GNG13: variants seen among roughly 807,000 people sequenced by gnomAD.
GNG13 encodes guanine nucleotide-binding protein G(I)/G(S)/G(O) subunit gamma-13.
A neutral mutation model predicts 8.2 loss-of-function variants in GNG13; 12 were observed. The observed-to-expected ratio is 1.47, with a 90% CI of 0.94 to 2.38. GNG13 has a LOEUF of 2.38. GNG13 is among the 30% of genes most tolerant of loss of function. The pLI is 0.00. For missense variants in GNG13, 100 were observed against 85.2 expected (o/e 1.17, Z -0.68); for synonymous variants, 45 against 33.0 (o/e 1.37, Z -1.25).
In GNG13 at chr16:798,410, A is replaced by G; in HGVS notation, c.*309T>C. On this transcript the variant is annotated 3_prime_UTR_variant, in exon 3 of 3. Coordinates refer to ENST00000248150, the MANE Select transcript of GNG13 (RefSeq NM_016541.3). The stretch of plus-strand genomic sequence containing the variant: ...GGGAGTGGGGCTGGGAGTGGGGCTC[A>G]CAGGATGGTGGGAGTGGGGCTGGAA... The G allele has an allele frequency of 2.1e-6, 1 of 478,978 alleles. No individual in the cohort carries two copies. The highest frequency in any genetic ancestry group is 3.7e-6 in the Non-Finnish European group (1 of 270,118). The allele number at this position is 478,978 out of a possible 1,614,324, so 29.7% of individuals were successfully genotyped here. A position where few individuals can be genotyped will look rare whatever the true frequency, so the allele number is the denominator to read the frequency against.
Position 798,290 on chromosome 16 carries a change from C to T in GNG13, c.*429G>A. On this transcript the variant is annotated 3_prime_UTR_variant, in exon 3 of 3. Coordinates refer to ENST00000248150, the MANE Select transcript of GNG13 (RefSeq NM_016541.3). The stretch of plus-strand genomic sequence containing the variant: ...GTCTTACAAGATGTTGTGAGTGGGG[C>T]CGGGAGTGGGGCTCACAGGTTGGTG... The T allele has an allele frequency of 4.1e-6, 2 of 487,542 alleles. No individual in the cohort carries two copies. Among genetic ancestry groups the T allele is most frequent in the Non-Finnish European group, 3.6e-6 (1 of 276,142 alleles). 30.2% of individuals were successfully genotyped at this position (487,542 alleles called of 1,614,324 possible).
At chr16:798,900 G>A (rs1224013867) in intron 2 of GNG13, 76 bp from the exon 3 acceptor site, 4 of 1,353,594 alleles carry the variant, frequency 3.0e-6, no homozygotes, top group Admixed American at 1.7e-5. Context: ...CCTGTCGGCG[G>A]CGGTGGTCGT....
intron 1 of GNG13, 80 bp from the exon 2 acceptor site, chr16:799,191 G>A (rs556534620): frequency 7.3e-6 from 5 of 686,906 alleles, no homozygotes; most frequent in African/African-American, 7.0e-5. Flanking sequence ...GCAGGCCTGA[G>A]CTGAACCCCG....
At chr16:799,163 C>T (rs987850036) in intron 1 of GNG13, 52 bp from the exon 2 acceptor site, 7 of 775,282 alleles carry the variant, frequency 9.0e-6, no homozygotes, top group Non-Finnish European at 1.6e-5. Flanking sequence ...CCTGTAGTCC[C>T]CACCCCCGCT....
In GNG13 at chr16:798,574, C is replaced by T. The variant is rs1367398252; in HGVS notation, c.*145G>A. On this transcript the variant is annotated 3_prime_UTR_variant, in exon 3 of 3. Coordinates refer to ENST00000248150, the MANE Select transcript of GNG13 (RefSeq NM_016541.3). ...ACAGGTTGGTGTGAGTGGGGCCGGGCATGGGCTCACAGGATGGTGGGAGTG... is the reference window on the plus strand; with the variant it reads ...ACAGGTTGGTGTGAGTGGGGCCGGGTATGGGCTCACAGGATGGTGGGAGTG... 30 of 664,174 alleles carry T rather than the reference C, an allele frequency of 4.5e-5. 1 individual carries two copies. The highest frequency in any genetic ancestry group is 2.9e-4 in the South Asian group (20 of 68,730). The allele number at this position is 664,174 out of a possible 1,614,324, so 41.1% of individuals were successfully genotyped here.
chr16:798,127 G>T lies in GNG13; in HGVS notation c.*592C>A. The T allele has an allele frequency of 9.5e-7, 1 of 1,051,204 alleles. No individual in the cohort carries two copies. Among genetic ancestry groups the T allele is most frequent in the Non-Finnish European group, 1.4e-6 (1 of 727,284 alleles). The allele number at this position is 1,051,204 out of a possible 1,614,324, so 65.1% of individuals were successfully genotyped here. A position where few individuals can be genotyped will look rare whatever the true frequency, so the allele number is the denominator to read the frequency against. ...GGATGGTGGGAGTGGGGCCGGGCGT[G>T]GGCTCATAGGATGGTGTGAGTGGGG... On this transcript the variant is annotated 3_prime_UTR_variant, in exon 3 of 3. Transcript: ENST00000248150.
In GNG13 at chr16:798,418, G is replaced by A. The variant is rs1044783641; in HGVS notation, c.*301C>T. ...GGCTGGGAGTGGGGCTCACAGGATG[G>A]TGGGAGTGGGGCTGGAAGTGGGGCT... On this transcript the variant is annotated 3_prime_UTR_variant, in exon 3 of 3. Transcript: ENST00000248150. The A allele has an allele frequency of 6.2e-6, 3 of 480,778 alleles. No homozygotes were observed. Among genetic ancestry groups the A allele is most frequent in the African/African-American group, 4.4e-5 (2 of 45,452 alleles). 29.8% of individuals were successfully genotyped at this position (480,778 alleles called of 1,614,324 possible).
At chr16:800,334 C>G (rs748839632) in intron 1 of GNG13, among the ~76,000 whole-genome samples, 1 of 152,198 alleles carries the variant, frequency 6.6e-6, no homozygotes, top group South Asian at 2.1e-4. Context: ...GTTGGCGCCC[C>G]GCCCACAGCC....
Position 798,546 on chromosome 16 carries a change from C to G in GNG13, c.*173G>C. The G allele has an allele frequency of 1.5e-6, 1 of 668,760 alleles. No homozygotes were observed. The highest frequency in any genetic ancestry group is 1.5e-5 in the South Asian group (1 of 66,910). The allele number at this position is 668,760 out of a possible 1,614,324, so 41.4% of individuals were successfully genotyped here. ...GGAGTGAGTGGGGCCGGGAGTGGGG[C>G]TCACAGGTTGGTGTGAGTGGGGCCG... On this transcript the variant is annotated 3_prime_UTR_variant, in exon 3 of 3. Transcript: ENST00000248150.
In GNG13 at chr16:798,055, C is replaced by T. The variant is rs1219782132; in HGVS notation, c.*664G>A. The T allele has an allele frequency of 3.3e-6, 5 of 1,512,882 alleles. No homozygotes were observed. Among genetic ancestry groups the T allele is most frequent in the Non-Finnish European group, 4.5e-6 (5 of 1,122,172 alleles). The allele number at this position is 1,512,882 out of a possible 1,614,324, so 93.7% of individuals were successfully genotyped here. On this transcript the variant is annotated 3_prime_UTR_variant, in exon 3 of 3. Coordinates refer to ENST00000248150, the MANE Select transcript of GNG13 (RefSeq NM_016541.3). Reference sequence around the variant, plus strand: ...GAAGCTGGAGATGTCTTTATAAAGTCACACCTTTACAGACTGTAATCACGT... The same window carrying T: ...GAAGCTGGAGATGTCTTTATAAAGTTACACCTTTACAGACTGTAATCACGT...
At position 798,609 on chromosome 16, in the gene GNG13, G is replaced by T; in HGVS notation, c.*110C>A. On this transcript the variant is annotated 3_prime_UTR_variant, in exon 3 of 3. Coordinates refer to ENST00000248150, the MANE Select transcript of GNG13 (RefSeq NM_016541.3). ...CAGGATGGTGGGAGTGGGGCTGGGA[G>T]TGGGACTCACAGGATGGAGTGAGTG... 1 of 791,586 alleles carries T rather than the reference G, an allele frequency of 1.3e-6. No individual in the cohort carries two copies. Among genetic ancestry groups the T allele is most frequent in the Non-Finnish European group, 2.3e-6 (1 of 444,082 alleles). The allele number at this position is 791,586 out of a possible 1,614,324, so 49.0% of individuals were successfully genotyped here.
rs1201192108 is a variant in GNG13, at chr16:798,972, G to A, written c.98+8C>T. 5 of 1,542,990 alleles carry A rather than the reference G, an allele frequency of 3.2e-6. No individual in the cohort carries two copies. Among genetic ancestry groups the A allele is most frequent in the Non-Finnish European group, 4.5e-6 (5 of 1,115,684 alleles). ...ATGAGAGGCAAATCAGGCAGGTGGG[G>A]CACTCACTCGGGGATGGTCTTGGAC... On this transcript the variant is annotated splice_region_variant and intron_variant, in intron 2 of 2. Coordinates refer to ENST00000248150, the MANE Select transcript of GNG13 (RefSeq NM_016541.3).
intron 1 of GNG13, among the ~76,000 whole-genome samples, chr16:800,081 A>G (rs994327032): frequency 1.3e-5 from 2 of 151,904 alleles, no homozygotes; most frequent in African/African-American, 4.8e-5. Flanking sequence ...CCGGTGGTGA[A>G]TTGGGCAGAC....
At position 799,863 on chromosome 16, in the gene GNG13, CCTCA is replaced by C. The variant is rs200448054; in HGVS notation, c.-34-756_-34-753del. Among the ~76,000 whole-genome samples the C allele has an allele frequency of 6.7e-3, 1,025 of 152,084 alleles. 13 individuals are homozygous for C. The highest frequency in any genetic ancestry group is 0.024 in the African/African-American group (981 of 41,470). Reference sequence around the variant, plus strand: ...ACCCACTCCAGGGGCCCAGGGAGTCCCTCACTCCGTCCCAACTCTGGCCCCCGTC... The same window carrying C: ...ACCCACTCCAGGGGCCCAGGGAGTCCCTCCGTCCCAACTCTGGCCCCCGTC... On this transcript the variant is annotated intron_variant, in intron 1 of 2. Transcript: ENST00000248150.
chr16:798,099 A>G lies in GNG13; in HGVS notation c.*620T>C. 2 of 1,347,276 alleles carry G rather than the reference A, an allele frequency of 1.5e-6. No individual in the cohort carries two copies. Among genetic ancestry groups the G allele is most frequent in the South Asian group, 2.8e-5 (2 of 72,410 alleles). The allele number at this position is 1,347,276 out of a possible 1,614,324, so 83.5% of individuals were successfully genotyped here. ...ATCACGTGCGAGTGGAGTGGGGTTCACAGGATGGTGGGAGTGGGGCCGGGC... is the reference window on the plus strand; with the variant it reads ...ATCACGTGCGAGTGGAGTGGGGTTCGCAGGATGGTGGGAGTGGGGCCGGGC... On this transcript the variant is annotated 3_prime_UTR_variant, in exon 3 of 3. Transcript: ENST00000248150.
intron 1 of GNG13, among the ~76,000 whole-genome samples, chr16:799,520 G>A (rs1044673585): frequency 2.6e-5 from 4 of 152,186 alleles, no homozygotes; most frequent in East Asian, 3.9e-4. Context: ...CCCCTGCCCC[G>A]CCCCGCTGTG....
intron 1 of GNG13, 116 bp from the exon 2 acceptor site, chr16:799,227 C>CCACT: frequency 1.6e-6 from 1 of 635,150 alleles, no homozygotes; most frequent in Non-Finnish European, 2.9e-6. Flanking sequence ...AGAGTCCACA[C>CCACT]CACTGCCTGG....
Position 798,060 on chromosome 16 carries a change from C to T in GNG13, c.*659G>A, listed in dbSNP as rs2042406811. On this transcript the variant is annotated 3_prime_UTR_variant, in exon 3 of 3. Coordinates refer to ENST00000248150, the MANE Select transcript of GNG13 (RefSeq NM_016541.3). ...TGGAGATGTCTTTATAAAGTCACACCTTTACAGACTGTAATCACGTGCGAG... is the reference window on the plus strand; with the variant it reads ...TGGAGATGTCTTTATAAAGTCACACTTTTACAGACTGTAATCACGTGCGAG... The T allele has an allele frequency of 3.3e-6, 5 of 1,502,696 alleles. No homozygotes were observed. The highest frequency in any genetic ancestry group is 1.4e-5 in the African/African-American group (1 of 72,972). 93.1% of individuals were successfully genotyped at this position (1,502,696 alleles called of 1,614,324 possible). A position where few individuals can be genotyped will look rare whatever the true frequency, so the allele number is the denominator to read the frequency against.
intron 2 of GNG13, 36 bp downstream of exon 2, chr16:798,944 C>T (rs2042423491): frequency 1.4e-6 from 2 of 1,425,144 alleles, no homozygotes; most frequent in Non-Finnish European, 2.0e-6. Context: ...GCAGGGCAGA[C>T]AAATGAGAGG....
Sources: allele counts gnomAD v4.1 joint callset (sites outside exome capture counted in the v4.1 genomes callset), GRCh38; gene constraint gnomAD v4.1.1; transcripts MANE v1.5; gene names NCBI Gene and HGNC (gene_info 2026-07-23, HGNC 2026-07-21).